HCN1: variants seen among roughly 807,000 people sequenced by gnomAD.
The protein encoded by HCN1 is hyperpolarization activated cyclic nucleotide gated potassium channel 1.
A neutral mutation model predicts 78.9 loss-of-function variants in HCN1; 13 were observed. The ratio of observed to expected loss-of-function variants is 0.16; its 90% confidence interval spans 0.11 to 0.26. The LOEUF (loss-of-function observed/expected upper bound fraction) is 0.26, where lower values mean the gene tolerates loss of function less well. Among genes scored for constraint, HCN1 ranks in the 10% least tolerant of loss-of-function variants. The probability of loss-of-function intolerance (pLI) is 1.00; values close to 1 mark genes in which losing one functional copy is unlikely to be tolerated. For synonymous variants in HCN1, 552 were observed against 455.5 expected (o/e 1.21, Z -2.70); for missense variants, 810 against 1,154.3 (o/e 0.70, Z 4.32).
intron 2 of HCN1, among the ~76,000 whole-genome samples, chr5:45,630,665 T>C (rs1485580204): frequency 6.6e-6 from 1 of 152,184 alleles, no homozygotes; most frequent in African/African-American, 2.4e-5. Flanking sequence ...ACATGTCTTT[T>C]TACTTAAGGA....
intron 5 of HCN1, among the ~76,000 whole-genome samples, chr5:45,335,994 A>G (rs1032018858): frequency 3.9e-5 from 6 of 152,052 alleles, no homozygotes; most frequent in African/African-American, 1.2e-4. Context: ...TAGCTGAAAA[A>G]TTGCGTATAC....
At chr5:45,591,794 G>A (rs1744369917) in intron 2 of HCN1, among the ~76,000 whole-genome samples, 1 of 152,090 alleles carries the variant, frequency 6.6e-6, no homozygotes. Context: ...AAATTTTAAT[G>A]AAGCCCAGGT....
At chr5:45,387,815 G>T (rs1223193483) in intron 4 of HCN1, among the ~76,000 whole-genome samples, 1 of 151,970 alleles carries the variant, frequency 6.6e-6, no homozygotes, top group Non-Finnish European at 1.5e-5. Context: ...CATATACTAT[G>T]TTTTATTCTT....
intron 2 of HCN1, among the ~76,000 whole-genome samples, chr5:45,525,102 T>G (rs1561188594): frequency 6.6e-6 from 1 of 152,170 alleles, no homozygotes; most frequent in Non-Finnish European, 1.5e-5. Flanking sequence ...CTTTTCTGCC[T>G]CTATTGAGAT....
chr5:45,555,538 A>G (rs183579741), intron 2 of HCN1, among the ~76,000 whole-genome samples: 6 of 152,052 alleles, frequency 3.9e-5, no homozygotes, highest in Non-Finnish European at 8.8e-5. Flanking sequence ...AGCTAGAAAA[A>G]AATTCTAAAA....
At chr5:45,436,756 C>T (rs1740566338) in intron 3 of HCN1, among the ~76,000 whole-genome samples, 1 of 152,126 alleles carries the variant, frequency 6.6e-6, no homozygotes, top group Non-Finnish European at 1.5e-5. Flanking sequence ...TACTTTGGGC[C>T]AGATCATCTA....
At chr5:45,323,323 C>A (rs1274617492) in intron 5 of HCN1, among the ~76,000 whole-genome samples, 1 of 151,784 alleles carries the variant, frequency 6.6e-6, no homozygotes, top group Non-Finnish European at 1.5e-5. Context: ...ATTTAGTTAA[C>A]AAATTTATTA....
At chr5:45,309,241 T>C (rs1374124935) in intron 5 of HCN1, among the ~76,000 whole-genome samples, 1 of 152,174 alleles carries the variant, frequency 6.6e-6, no homozygotes, top group East Asian at 1.9e-4. Flanking sequence ...TTACTGAAGT[T>C]GCTTATCAGC....
At chr5:45,561,798 T>C (rs1375517260) in intron 2 of HCN1, among the ~76,000 whole-genome samples, 1 of 152,072 alleles carries the variant, frequency 6.6e-6, no homozygotes, top group African/African-American at 2.4e-5. Flanking sequence ...CAATCACATG[T>C]CCGGTGATTA....
chr5:45,319,548 T>C (rs1243686402), intron 5 of HCN1, among the ~76,000 whole-genome samples: 2 of 151,870 alleles, frequency 1.3e-5, no homozygotes, highest in Non-Finnish European at 2.9e-5. Flanking sequence ...TCCCCCTTTT[T>C]CTATGTTAAG....
chr5:45,639,611 A>C (rs1322930605), intron 2 of HCN1, among the ~76,000 whole-genome samples: 1 of 152,212 alleles, frequency 6.6e-6, no homozygotes, highest in African/African-American at 2.4e-5. Context: ...AAATTGTAAA[A>C]CACTGCAAAT....
intron 2 of HCN1, among the ~76,000 whole-genome samples, chr5:45,521,433 T>A (rs935919695): frequency 1.3e-5 from 2 of 151,976 alleles, no homozygotes; most frequent in East Asian, 3.9e-4. Flanking sequence ...TGGTTTCTTG[T>A]GAGGTTTGTG....
intron 4 of HCN1, among the ~76,000 whole-genome samples, chr5:45,373,508 T>C (rs1004199865): frequency 7.1e-6 from 1 of 140,822 alleles, no homozygotes; most frequent in African/African-American, 2.6e-5. Context: ...ATTATATACA[T>C]CATCTATAAT....
At chr5:45,674,144 T>G (rs1746218297) in intron 1 of HCN1, among the ~76,000 whole-genome samples, 2 of 151,164 alleles carry the variant, frequency 1.3e-5, no homozygotes, top group African/African-American at 4.8e-5. Context: ...TATATATGTA[T>G]ATATATAGAT....
At chr5:45,653,083 G>T (rs948703392) in intron 1 of HCN1, among the ~76,000 whole-genome samples, 2 of 151,854 alleles carry the variant, frequency 1.3e-5, no homozygotes, top group African/African-American at 4.8e-5. Context: ...TCGGTACCTG[G>T]AATTTTTTCA....
chr5:45,354,634 A>T (rs1746974279), intron 4 of HCN1, among the ~76,000 whole-genome samples: 1 of 151,994 alleles, frequency 6.6e-6, no homozygotes, highest in South Asian at 2.1e-4. Flanking sequence ...TTTGCAAAAA[A>T]ATTATATTGT....
At chr5:45,434,363 C>T (rs2112080233) in intron 3 of HCN1, among the ~76,000 whole-genome samples, 1 of 152,260 alleles carries the variant, frequency 6.6e-6, no homozygotes, top group East Asian at 1.9e-4. Flanking sequence ...AAAAGGTTTA[C>T]ACAGCTCTGA....
At chr5:45,638,145 A>G (rs1235584839) in intron 2 of HCN1, among the ~76,000 whole-genome samples, 2 of 152,108 alleles carry the variant, frequency 1.3e-5, no homozygotes, top group Non-Finnish European at 2.9e-5. Context: ...GAGAAGGAGA[A>G]GAACACTTTT....
intron 4 of HCN1, among the ~76,000 whole-genome samples, chr5:45,373,218 T>TGA (rs1230405494): frequency 8.2e-6 from 1 of 122,272 alleles, no homozygotes; most frequent in East Asian, 2.2e-4. Flanking sequence ...ATATGTTATA[T>TGA]ATAATATATA....
Sources: allele counts gnomAD v4.1 joint callset (sites outside exome capture counted in the v4.1 genomes callset), GRCh38; gene constraint gnomAD v4.1.1; transcripts MANE v1.5; gene names NCBI Gene and HGNC (gene_info 2026-07-23, HGNC 2026-07-21).